Variants in PRPSAP2 observed in about 807,000 individuals in gnomAD.
The protein encoded by PRPSAP2 is phosphoribosyl pyrophosphate synthetase associated protein 2, also known as phosphoribosyl pyrophosphate synthase-associated protein 2.
Under a neutral mutation model 40.6 loss-of-function variants are expected in PRPSAP2, and 24 were observed. The observed-to-expected ratio is 0.59, with a 90% CI of 0.43 to 0.83. The LOEUF is 0.83. PRPSAP2 is among the 40% of genes least tolerant of loss of function. The pLI, the probability that PRPSAP2 is intolerant of heterozygous loss-of-function variation, is 0.00. For missense variants in PRPSAP2, 292 were observed against 465.6 expected, an observed-to-expected ratio of 0.63 and a Z score of 3.43; for synonymous variants, 149 against 164.7, an observed-to-expected ratio of 0.90 and a Z score of 0.73.
rs2037360266 is a variant in PRPSAP2, at chr17:18,865,467, A to G, written c.-128-2A>G. On this transcript the variant is annotated splice_acceptor_variant, in intron 1 of 11. Coordinates refer to ENST00000268835, the MANE Select transcript of PRPSAP2 (RefSeq NM_002767.4). LOFTEE classifies it low-confidence loss of function (5UTR_SPLICE). ...CTGCCATTTTTCTGTGTGTTAATCC[A>G]GGAGGAATTTTGTTGTCAGAGAATA... The G allele has an allele frequency of 6.6e-6, 1 of 152,662 alleles. No homozygotes were observed. The highest frequency in any genetic ancestry group is 1.5e-5 in the Non-Finnish European group (1 of 68,338). 9.5% of individuals were successfully genotyped at this position (152,662 alleles called of 1,614,324 possible).
intron 11 of PRPSAP2, 24 bp from the exon 12 acceptor site, chr17:18,930,516 G>A (rs1213936196): frequency 6.2e-7 from 1 of 1,602,736 alleles, no homozygotes; most frequent in Admixed American, 1.7e-5. Context: ...CTGATGCTGT[G>A]GTTTTTTTTC....
In PRPSAP2 at chr17:18,888,768, C is replaced by T. The variant is rs1389453840; in HGVS notation, c.529-1054C>T. 2.2e-4 allele frequency among the ~76,000 whole-genome samples: 24 copies of T among 109,978 alleles called. 2 individuals carry two copies. The highest frequency in any genetic ancestry group is 4.4e-4 in the Non-Finnish European group (22 of 49,876). The allele number at this position is 109,978 out of a possible 152,430, so 72.1% of individuals were successfully genotyped here. On this transcript the variant is annotated intron_variant, in intron 7 of 11. Transcript: ENST00000268835. ...GGGCGGGGGGCTGACCCCCCCACCT[C>T]CCTCGCGGACGGGGCGGCTGGCCGG...
At chr17:18,883,570 G>A (rs1050086962) in intron 7 of PRPSAP2, among the ~76,000 whole-genome samples, 1 of 151,898 alleles carries the variant, frequency 6.6e-6, no homozygotes, top group Non-Finnish European at 1.5e-5. Context: ...TGTATCTTTA[G>A]TAGAGATGGG....
intron 1 of PRPSAP2, among the ~76,000 whole-genome samples, chr17:18,860,123 G>C (rs976463027): frequency 6.6e-6 from 1 of 151,686 alleles, no homozygotes; most frequent in Non-Finnish European, 1.5e-5. Context: ...GTAGTGGCGC[G>C]ATCTCAGCTC....
At chr17:18,870,820 A>T (rs919167956) in intron 4 of PRPSAP2, among the ~76,000 whole-genome samples, 1 of 151,758 alleles carries the variant, frequency 6.6e-6, no homozygotes, top group African/African-American at 2.4e-5. Context: ...AAAAAAAAAA[A>T]AAAAGAAAAG....
intron 8 of PRPSAP2, among the ~76,000 whole-genome samples, chr17:18,909,756 T>C (rs907811256): frequency 1.8e-4 from 27 of 151,688 alleles, no homozygotes; most frequent in African/African-American, 6.0e-4. Flanking sequence ...AATACAAAAA[T>C]TAGCCAGGCG....
intron 6 of PRPSAP2, among the ~76,000 whole-genome samples, chr17:18,878,863 T>G (rs2038502724): frequency 6.6e-6 from 1 of 151,966 alleles, no homozygotes; most frequent in African/African-American, 2.4e-5. Flanking sequence ...TTTATTTTAA[T>G]TTTTATTCTG....
chr17:18,870,220 T>C (rs1249290203), intron 4 of PRPSAP2, among the ~76,000 whole-genome samples: 1 of 152,090 alleles, frequency 6.6e-6, no homozygotes, highest in Admixed American at 6.6e-5. Flanking sequence ...CATATGAATA[T>C]GTATGTGGCG....
chr17:18,869,321 ATTTTC>A (rs931022937), intron 4 of PRPSAP2, among the ~76,000 whole-genome samples: 5 of 148,340 alleles, frequency 3.4e-5, no homozygotes, highest in East Asian at 2.0e-4. Context: ...TCTAAAGCTC[ATTTTC>A]TTTTCTTTTC....
intron 5 of PRPSAP2, 33 bp from the exon 6 acceptor site, chr17:18,877,665 C>A (rs1054220769): frequency 7.0e-6 from 11 of 1,575,810 alleles, no homozygotes; most frequent in Admixed American, 1.8e-5. Context: ...TGTTGTAGAT[C>A]CCTTGATGAG....
chr17:18,923,791 T>C (rs941826508), intron 9 of PRPSAP2, 123 bp from the exon 10 acceptor site: 2 of 893,912 alleles, frequency 2.2e-6, no homozygotes, highest in South Asian at 2.0e-5. Context: ...CTTAATCAGA[T>C]TGAGGAAATT....
chr17:18,928,430 C>G (rs2042083762), intron 10 of PRPSAP2: 1 of 264,578 alleles, frequency 3.8e-6, no homozygotes, highest in Non-Finnish European at 7.5e-6. Context: ...GAGTCAAAAA[C>G]ATCTTTTAAC....
chr17:18,884,503 A>C (rs2038991822), intron 7 of PRPSAP2, among the ~76,000 whole-genome samples: 1 of 151,974 alleles, frequency 6.6e-6, no homozygotes. Flanking sequence ...ACACCTAGCT[A>C]ATTTTTAAAA....
intron 9 of PRPSAP2, among the ~76,000 whole-genome samples, chr17:18,913,065 C>T (rs1364747012): frequency 6.6e-6 from 1 of 152,206 alleles, no homozygotes; most frequent in Non-Finnish European, 1.5e-5. Flanking sequence ...CTCATGCCTG[C>T]ATCTCTCAGG....
chr17:18,866,643 A>G (rs1372086496), intron 3 of PRPSAP2, among the ~76,000 whole-genome samples: 1 of 152,198 alleles, frequency 6.6e-6, no homozygotes, highest in Non-Finnish European at 1.5e-5. Flanking sequence ...TTAAACAAAT[A>G]TTGTACCCCT....
At chr17:18,864,966 C>T (rs1456400548) in intron 1 of PRPSAP2, 1 of 152,250 alleles carries the variant, frequency 6.6e-6, no homozygotes, top group Non-Finnish European at 1.5e-5. Flanking sequence ...CCTACCTCAG[C>T]CTCCCGAGTA....
intron 6 of PRPSAP2, among the ~76,000 whole-genome samples, chr17:18,880,469 G>T (rs2038651456): frequency 6.6e-6 from 1 of 151,944 alleles, no homozygotes; most frequent in Non-Finnish European, 1.5e-5. Flanking sequence ...TGTGATCACT[G>T]CTCACTACCA....
chr17:18,888,895 G>A (rs1181339027), intron 7 of PRPSAP2, among the ~76,000 whole-genome samples: 4 of 152,132 alleles, frequency 2.6e-5, no homozygotes, highest in African/African-American at 7.2e-5. Flanking sequence ...TTTAACCTCC[G>A]TAGAGACAAT....
intron 8 of PRPSAP2, among the ~76,000 whole-genome samples, chr17:18,893,428 GT>G (rs1035825278): frequency 6.6e-6 from 1 of 151,604 alleles, no homozygotes; most frequent in Non-Finnish European, 1.5e-5. Flanking sequence ...TATCTTTTTT[GT>G]TTGTTATTGC....
Sources: gnomAD v4.1 joint callset for allele counts (sites outside exome capture counted in the v4.1 genomes callset) on GRCh38, gnomAD v4.1.1 for gene constraint, MANE v1.5 for transcripts, NCBI Gene and HGNC (gene_info 2026-07-23, HGNC 2026-07-21) for gene names.